CSMD1: variants seen among roughly 807,000 people sequenced by gnomAD.
The protein encoded by CSMD1 is CUB and Sushi multiple domains 1.
Under a neutral mutation model 417.5 loss-of-function variants are expected in CSMD1, and 213 were observed. That is an observed-to-expected ratio of 0.51 (90% CI 0.46 to 0.57). CSMD1 has a LOEUF of 0.57. CSMD1 is among the 20% of genes least tolerant of loss of function. The probability of loss-of-function intolerance (pLI) is 0.00; values close to 1 mark genes in which losing one functional copy is unlikely to be tolerated. For missense variants in CSMD1, 6,923 were observed against 4,529.7 expected, an observed-to-expected ratio of 1.53 and a Z score of -15.17; for synonymous variants, 2,862 against 1,736.8, an observed-to-expected ratio of 1.65 and a Z score of -16.11.
chr8:4,393,257 T>C (rs1365412547), intron 3 of CSMD1, among the ~76,000 whole-genome samples: 1 of 152,168 alleles, frequency 6.6e-6, no homozygotes, highest in Non-Finnish European at 1.5e-5. Context: ...ATTACAGGCG[T>C]GAGCCACCCC....
chr8:3,051,380 G>A (rs1811803622), intron 50 of CSMD1, among the ~76,000 whole-genome samples: 1 of 152,160 alleles, frequency 6.6e-6, no homozygotes, highest in African/African-American at 2.4e-5. Context: ...TCCTGTAAGT[G>A]GGAGCTAAAC....
intron 3 of CSMD1, among the ~76,000 whole-genome samples, chr8:4,392,359 G>A (rs1349043922): frequency 2.0e-5 from 3 of 152,140 alleles, no homozygotes; most frequent in Non-Finnish European, 4.4e-5. Flanking sequence ...ATGAGGAGGA[G>A]CAGTAAAGAG....
At chr8:4,374,481 C>T (rs535995839) in intron 3 of CSMD1, among the ~76,000 whole-genome samples, 8 of 152,060 alleles carry the variant, frequency 5.3e-5, no homozygotes, top group Non-Finnish European at 1.5e-5. Context: ...AGACAGCTTG[C>T]TACTGGCAGG....
At chr8:4,084,872 C>A (rs1351237109) in intron 3 of CSMD1, among the ~76,000 whole-genome samples, 2 of 151,350 alleles carry the variant, frequency 1.3e-5, no homozygotes, top group African/African-American at 2.4e-5. Context: ...TGGTCTAATG[C>A]AAATACATAC....
chr8:3,920,111 G>T (rs369186483), intron 5 of CSMD1, among the ~76,000 whole-genome samples: 191 of 151,920 alleles, frequency 1.3e-3, no homozygotes, highest in African/African-American at 4.5e-3. Flanking sequence ...ATAGCTCACT[G>T]AAGTCATGAC....
chr8:4,531,646 G>T (rs559618308), intron 2 of CSMD1, among the ~76,000 whole-genome samples: 1 of 152,056 alleles, frequency 6.6e-6, no homozygotes, highest in Non-Finnish European at 1.5e-5. Context: ...ATGGCCCCAC[G>T]CTAGCTCTGT....
chr8:4,256,386 C>T (rs1022757568), intron 3 of CSMD1, among the ~76,000 whole-genome samples: 1 of 152,136 alleles, frequency 6.6e-6, no homozygotes, highest in Admixed American at 6.5e-5. Context: ...GATTACTACA[C>T]CCCTCTGAAT....
intron 1 of CSMD1, among the ~76,000 whole-genome samples, chr8:4,680,874 C>G (rs1297854754): frequency 6.6e-6 from 1 of 151,532 alleles, no homozygotes; most frequent in Non-Finnish European, 1.5e-5. Context: ...GCCACTGTAC[C>G]CAACCCTAAG....
intron 33 of CSMD1, among the ~76,000 whole-genome samples, chr8:3,197,142 A>G (rs539362638): frequency 6.6e-6 from 1 of 152,354 alleles, no homozygotes; most frequent in East Asian, 1.9e-4. Context: ...AGATGGTAAC[A>G]TCATCATTAA....
chr8:3,985,060 C>T (rs535448042), intron 5 of CSMD1, among the ~76,000 whole-genome samples: 1 of 152,092 alleles, frequency 6.6e-6, no homozygotes, highest in South Asian at 2.1e-4. Flanking sequence ...ATGTTCTTAG[C>T]TTTCAAAAAC....
At chr8:4,034,971 C>A (rs113662928) in intron 3 of CSMD1, among the ~76,000 whole-genome samples, 1 of 152,108 alleles carries the variant, frequency 6.6e-6, no homozygotes, top group Non-Finnish European at 1.5e-5. Flanking sequence ...ACTTAGTCTG[C>A]GCGACTCTTC....
chr8:4,154,853 G>T (rs950209511), intron 3 of CSMD1, among the ~76,000 whole-genome samples: 1 of 152,136 alleles, frequency 6.6e-6, no homozygotes, highest in Non-Finnish European at 1.5e-5. Context: ...TTTCTGATTT[G>T]TTGATACCAA....
chr8:3,656,732 C>A (rs1456329122), intron 7 of CSMD1, among the ~76,000 whole-genome samples: 3 of 152,106 alleles, frequency 2.0e-5, no homozygotes, highest in African/African-American at 7.2e-5. Flanking sequence ...CCGAGACCAG[C>A]CTGGCTAACA....
chr8:4,731,806 C>T (rs293885), intron 1 of CSMD1, among the ~76,000 whole-genome samples: 1 of 151,934 alleles, frequency 6.6e-6, no homozygotes, highest in Non-Finnish European at 1.5e-5. Context: ...TAGGGTTGGG[C>T]GAACAACTCA....
At chr8:3,535,913 G>C (rs923683926) in intron 10 of CSMD1, among the ~76,000 whole-genome samples, 19 of 152,148 alleles carry the variant, frequency 1.2e-4, no homozygotes, top group African/African-American at 4.3e-4. Flanking sequence ...CCTGGTGGAT[G>C]CTGCTTCAAG....
rs190889849 is a variant in CSMD1, at chr8:3,682,271, A to T, written c.1009+26143T>A. On this transcript the variant is annotated intron_variant, in intron 7 of 69. Coordinates refer to ENST00000635120, the MANE Select transcript of CSMD1 (RefSeq NM_033225.6). Reference sequence around the variant, plus strand: ...GAACAGGCAACCTAAAAAATGGGATAAAATTTTTGCAATCTACTCATCTGA... The same window carrying T: ...GAACAGGCAACCTAAAAAATGGGATTAAATTTTTGCAATCTACTCATCTGA... Among the ~76,000 whole-genome samples the T allele has an allele frequency of 7.4e-3, 1,127 of 152,332 alleles. 8 individuals carry two copies. Among genetic ancestry groups the T allele is most frequent in the Non-Finnish European group, 0.011 (732 of 68,036 alleles).
intron 33 of CSMD1, among the ~76,000 whole-genome samples, chr8:3,190,961 G>C (rs1345004803): frequency 6.6e-6 from 1 of 152,194 alleles, no homozygotes; most frequent in Non-Finnish European, 1.5e-5. Context: ...GTTACTGGGG[G>C]CTGGGGAACA....
intron 3 of CSMD1, among the ~76,000 whole-genome samples, chr8:4,124,239 G>T (rs369782468): frequency 1.1e-4 from 17 of 152,206 alleles, no homozygotes; most frequent in African/African-American, 3.9e-4. Context: ...GGAGTGTGAG[G>T]CCTGAGGTCA....
At chr8:4,757,989 G>A (rs899147) in intron 1 of CSMD1, among the ~76,000 whole-genome samples, 114,441 of 149,282 alleles carry the variant, frequency 0.77, 43,936 homozygotes, top group Admixed American at 0.81. Context: ...AAGGAAAAGA[G>A]AAGAAAGCAC....
Sources: gnomAD v4.1 joint callset for allele counts (sites outside exome capture counted in the v4.1 genomes callset) on GRCh38, gnomAD v4.1.1 for gene constraint, MANE v1.5 for transcripts, NCBI Gene and HGNC (gene_info 2026-07-23, HGNC 2026-07-21) for gene names.